Variants in EDIL3 observed in about 807,000 individuals in gnomAD.
EDIL3 encodes the protein EGF like and discoidin domains 3.
A neutral mutation model predicts 67.4 loss-of-function variants in EDIL3; 37 were observed. That is an observed-to-expected ratio of 0.55 (90% CI 0.42 to 0.72). The LOEUF (loss-of-function observed/expected upper bound fraction) is 0.72, where lower values mean the gene tolerates loss of function less well. Among genes scored for constraint, EDIL3 ranks in the 30% least tolerant of loss-of-function variants. The pLI is 0.00. For synonymous variants in EDIL3, 195 were observed against 196.3 expected (o/e 0.99, Z 0.05); for missense variants, 527 against 586.3 (o/e 0.90, Z 1.04).
intron 9 of EDIL3, among the ~76,000 whole-genome samples, chr5:84,014,372 C>T (rs975630566): frequency 2.6e-5 from 4 of 152,236 alleles, no homozygotes; most frequent in South Asian, 2.1e-4. Flanking sequence ...ATCTGCTGGG[C>T]GCGGTGGCTC....
intron 5 of EDIL3, among the ~76,000 whole-genome samples, chr5:84,108,736 G>C (rs1747506807): frequency 6.6e-6 from 1 of 152,130 alleles, no homozygotes; most frequent in Admixed American, 6.5e-5. Flanking sequence ...GTCATCAAAG[G>C]GGTCTCAAGC....
intron 3 of EDIL3, among the ~76,000 whole-genome samples, chr5:84,222,293 C>T (rs1198332664): frequency 2.0e-5 from 3 of 151,880 alleles, no homozygotes; most frequent in Non-Finnish European, 2.9e-5. Flanking sequence ...CTACTGCTAG[C>T]CCATATTCTA....
chr5:84,075,632 C>G (rs981193638), intron 6 of EDIL3, among the ~76,000 whole-genome samples: 1 of 152,096 alleles, frequency 6.6e-6, no homozygotes, highest in Non-Finnish European at 1.5e-5. Context: ...TGTGCCACCA[C>G]TCCTGGCTAA....
At chr5:84,224,164 A>G (rs758011130) in intron 3 of EDIL3, among the ~76,000 whole-genome samples, 29 of 151,550 alleles carry the variant, frequency 1.9e-4, no homozygotes, top group Non-Finnish European at 4.1e-4. Context: ...GACTTATTGT[A>G]TAGCTGCAAG....
intron 2 of EDIL3, among the ~76,000 whole-genome samples, chr5:84,244,663 A>G (rs1194206794): frequency 6.6e-6 from 1 of 152,164 alleles, no homozygotes; most frequent in Non-Finnish European, 1.5e-5. Context: ...TACTAGTAGT[A>G]TGAGGAAAGA....
intron 1 of EDIL3, among the ~76,000 whole-genome samples, chr5:84,354,507 A>C (rs1324019900): frequency 3.3e-5 from 5 of 151,978 alleles, no homozygotes; most frequent in African/African-American, 1.2e-4. Flanking sequence ...AAATACAAAA[A>C]TTAGCCGGGT....
intron 1 of EDIL3, among the ~76,000 whole-genome samples, chr5:84,312,640 G>C (rs186440434): frequency 6.6e-6 from 1 of 150,692 alleles, no homozygotes; most frequent in South Asian, 2.1e-4. Flanking sequence ...CGGACGGGGC[G>C]GCTGGCCGGG....
intron 3 of EDIL3, among the ~76,000 whole-genome samples, chr5:84,227,086 A>G (rs2112406187): frequency 1.3e-5 from 2 of 152,122 alleles, no homozygotes; most frequent in South Asian, 4.1e-4. Context: ...AGCAGACAGG[A>G]GAAATGAAAA....
At chr5:84,351,390 A>T (rs1747355725) in intron 1 of EDIL3, among the ~76,000 whole-genome samples, 1 of 152,144 alleles carries the variant, frequency 6.6e-6, no homozygotes, top group South Asian at 2.1e-4. Flanking sequence ...AGCTGTGTAT[A>T]CTTGAGCAAC....
At chr5:84,137,146 A>C (rs1427337987) in intron 5 of EDIL3, 95 bp downstream of exon 5, 1 of 843,832 alleles carries the variant, frequency 1.2e-6, no homozygotes, top group African/African-American at 1.8e-5. Context: ...GATGTACATA[A>C]AAATATATAT....
At chr5:84,196,502 T>C (rs1312716884) in intron 3 of EDIL3, among the ~76,000 whole-genome samples, 1 of 152,040 alleles carries the variant, frequency 6.6e-6, no homozygotes, top group African/African-American at 2.4e-5. Flanking sequence ...TTATTTGTCA[T>C]GTTTTGTGTT....
At chr5:84,371,409 GTA>G (rs1484978604) in intron 1 of EDIL3, among the ~76,000 whole-genome samples, 1 of 139,500 alleles carries the variant, frequency 7.2e-6, no homozygotes, top group Admixed American at 7.8e-5. Flanking sequence ...ATATATGTGT[GTA>G]TATGTGTATA....
chr5:84,324,212 C>A (rs1746704828), intron 1 of EDIL3, among the ~76,000 whole-genome samples: 1 of 151,734 alleles, frequency 6.6e-6, no homozygotes, highest in Admixed American at 6.6e-5. Context: ...GATAATACAA[C>A]CTGTCTTCTC....
chr5:83,964,345 T>C (rs1435996561), intron 9 of EDIL3, among the ~76,000 whole-genome samples: 1 of 151,898 alleles, frequency 6.6e-6, no homozygotes, highest in Non-Finnish European at 1.5e-5. Context: ...GCTTCCTCTC[T>C]CTTCCTGCAA....
chr5:84,132,259 TATATA>T (rs926181650), intron 5 of EDIL3, among the ~76,000 whole-genome samples: 15 of 119,842 alleles, frequency 1.3e-4, no homozygotes, highest in African/African-American at 4.9e-4. Flanking sequence ...AAAAAATATA[TATATA>T]ATATATCTTT....
intron 6 of EDIL3, among the ~76,000 whole-genome samples, chr5:84,071,052 C>G (rs1208912649): frequency 6.6e-6 from 1 of 152,158 alleles, no homozygotes; most frequent in Non-Finnish European, 1.5e-5. Context: ...CAGGCTTAGA[C>G]AGGAGTCTGC....
intron 1 of EDIL3, among the ~76,000 whole-genome samples, chr5:84,304,760 G>A (rs576058132): frequency 7.0e-4 from 107 of 152,224 alleles, no homozygotes; most frequent in Non-Finnish European, 1.4e-3. Flanking sequence ...TTACTTAAAG[G>A]TGAACAAATC....
chr5:83,997,689 T>G (rs1459825872), intron 9 of EDIL3, among the ~76,000 whole-genome samples: 1 of 152,094 alleles, frequency 6.6e-6, no homozygotes, highest in African/African-American at 2.4e-5. Context: ...TGGATTATAG[T>G]CAGAGGTGGA....
intron 1 of EDIL3, among the ~76,000 whole-genome samples, chr5:84,376,517 C>A (rs1007661373): frequency 6.6e-6 from 1 of 152,160 alleles, no homozygotes; most frequent in Non-Finnish European, 1.5e-5. Flanking sequence ...CCTGCCTGCA[C>A]TTGAATATTA....
Sources: allele counts gnomAD v4.1 joint callset (sites outside exome capture counted in the v4.1 genomes callset), GRCh38; gene constraint gnomAD v4.1.1; transcripts MANE v1.5; gene names NCBI Gene and HGNC (gene_info 2026-07-23, HGNC 2026-07-21).